The following NUF2 variants were observed in gnomAD, a reference collection of about 807,000 sequenced individuals.
NUF2 encodes the protein kinetochore protein Nuf2.
Under a neutral mutation model 61.8 loss-of-function variants are expected in NUF2, and 34 were observed. The ratio of observed to expected loss-of-function variants is 0.55; its 90% CI spans 0.42 to 0.73. The LOEUF (loss-of-function observed/expected upper bound fraction) is 0.73, where lower values mean the gene tolerates loss of function less well. Among genes scored for constraint, NUF2 ranks in the 30% least tolerant of loss-of-function variants. The pLI is 0.00. For missense variants in NUF2, 445 were observed against 539.1 expected (o/e 0.83, Z 1.73); for synonymous variants, 172 against 181.6 (o/e 0.95, Z 0.42).
rs1296009758 is a variant in NUF2 at position 163,347,844 on chromosome 1, C to T, written c.1030C>T (p.Leu344=). The change falls in exon 12 of 14, where the codon CTG becomes TTG. Residue 344 remains leucine (L), a synonymous_variant. Coordinates refer to ENST00000271452, the MANE Select transcript of NUF2 (RefSeq NM_145697.3). ...LKTEENSFKR[L]MIVKKEKLAT... ...GACTGAAGAAAATTCGTTCAAAAGA[C>T]TGATGATTGTGAAGAAGGAAAAACT... The T allele has an allele frequency of 1.2e-6, 2 of 1,611,986 alleles. No homozygotes were observed. Among genetic ancestry groups the T allele is most frequent in the Non-Finnish European group, 1.7e-6 (2 of 1,179,116 alleles).
At chr1:163,331,306 T>C (rs1571378921) in intron 5 of NUF2, among the ~76,000 whole-genome samples, 1 of 152,046 alleles carries the variant, frequency 6.6e-6, no homozygotes, top group East Asian at 1.9e-4. Context: ...ATCTACCAAA[T>C]TACATTACTT....
At chr1:163,354,782 T>C (rs1651433687) in intron 13 of NUF2, among the ~76,000 whole-genome samples, 2 of 152,116 alleles carry the variant, frequency 1.3e-5, no homozygotes, top group African/African-American at 4.8e-5. Context: ...AGAAAATGTG[T>C]ACACGCTAAT....
Position 163,321,998 on chromosome 1 carries a change from CT to C in NUF2, c.-234del, listed in dbSNP as rs1189260871. 6.6e-6 allele frequency: 1 copy of C among 152,256 alleles called. No individual in the cohort carries two copies. Among genetic ancestry groups the C allele is most frequent in the East Asian group, 1.9e-4 (1 of 5,174 alleles). The allele number at this position is 152,256 out of a possible 1,614,324, so 9.4% of individuals were successfully genotyped here. ...GAAAAGTGATGACGGTTGACGTTTGCTGATTTTTGACTTTGCTTGTAGCTGC... is the reference window on the plus strand; with the variant it reads ...GAAAAGTGATGACGGTTGACGTTTGCGATTTTTGACTTTGCTTGTAGCTGC... On this transcript the variant is annotated 5_prime_UTR_variant, in exon 1 of 14. An upstream open reading frame in the 5' UTR loses its in-frame stop. Transcript: ENST00000271452.
Position 163,343,870 on chromosome 1 carries a change from A to G in NUF2, c.807A>G (p.Arg269=), listed in dbSNP as rs372189646. 2 of 1,389,244 alleles carry G rather than the reference A, an allele frequency of 1.4e-6. No homozygotes were observed. Among genetic ancestry groups the G allele is most frequent in the East Asian group, 5.5e-5 (2 of 36,236 alleles). The allele number at this position is 1,389,244 out of a possible 1,614,324, so 86.1% of individuals were successfully genotyped here. Residue 269 remains arginine, a splice_region_variant and synonymous_variant, in exon 10 of 14, where the codon AGA becomes AGG. Coordinates refer to ENST00000271452, the MANE Select transcript of NUF2 (RefSeq NM_145697.3). ...KDTVQKLKNA[R]QEVVEKYEIY... ...CGGTCCAGAAGCTTAAAAATGCCAG[A>G]GTGAGTTTTCTTTTTATTTTAATGC...
At chr1:163,347,697 T>G in intron 11 of NUF2, 66 bp from the exon 12 acceptor site, 3 of 1,070,240 alleles carry the variant, frequency 2.8e-6, no homozygotes, top group Non-Finnish European at 3.9e-6. Flanking sequence ...CTAGAAAATA[T>G]TCTTTCATTT....
chr1:163,354,399 C>T (rs1243314981), intron 13 of NUF2, among the ~76,000 whole-genome samples: 1 of 152,042 alleles, frequency 6.6e-6, no homozygotes, highest in Non-Finnish European at 1.5e-5. Flanking sequence ...GGCAGAGTTG[C>T]TGGAAATAGG....
At chr1:163,324,147 C>A (rs1367478493) in intron 1 of NUF2, among the ~76,000 whole-genome samples, 1 of 152,114 alleles carries the variant, frequency 6.6e-6, no homozygotes, top group Non-Finnish European at 1.5e-5. Context: ...TTACATATAG[C>A]CATACATAAA....
At chr1:163,345,318 G>A (rs1651087359) in intron 10 of NUF2, among the ~76,000 whole-genome samples, 1 of 152,070 alleles carries the variant, frequency 6.6e-6, no homozygotes, top group Admixed American at 6.6e-5. Context: ...CAAATGAATG[G>A]GAAGATTATA....
At chr1:163,337,964 A>G (rs4657262) in intron 6 of NUF2, 56 bp from the exon 7 acceptor site, 57,136 of 1,302,458 alleles carry the variant, frequency 0.044, 1,540 homozygotes, top group Middle Eastern at 0.063. Flanking sequence ...AACATTTTGG[A>G]CACACTGATT....
intron 13 of NUF2, among the ~76,000 whole-genome samples, chr1:163,351,972 C>T (rs1040250457): frequency 6.6e-6 from 1 of 152,150 alleles, no homozygotes; most frequent in Non-Finnish European, 1.5e-5. Flanking sequence ...GTTCTGTCCA[C>T]TCACAACAAA....
chr1:163,354,512 G>T (rs1396650840), intron 13 of NUF2, among the ~76,000 whole-genome samples: 1 of 152,052 alleles, frequency 6.6e-6, no homozygotes, highest in African/African-American at 2.4e-5. Context: ...ACTAAGGTAA[G>T]TAGTAGCCAA....
chr1:163,341,906 A>T (rs775972623), intron 9 of NUF2, among the ~76,000 whole-genome samples: 1 of 152,174 alleles, frequency 6.6e-6, no homozygotes, highest in Non-Finnish European at 1.5e-5. Flanking sequence ...CCAGGATTAC[A>T]GGTGTGAGCC....
chr1:163,328,950 TA>T, intron 5 of NUF2, 43 bp downstream of exon 5: 1 of 1,026,588 alleles, frequency 9.7e-7, no homozygotes, highest in Non-Finnish European at 1.5e-6. Flanking sequence ...GGCTTCGATC[TA>T]CCATTTCACC....
intron 11 of NUF2, chr1:163,346,068 A>G (rs72697413): frequency 3.9e-6 from 1 of 254,468 alleles, no homozygotes; most frequent in Non-Finnish European, 7.5e-6. Context: ...TATATTTTGG[A>G]AAATAGTACA....
chr1:163,350,657 G>A (rs953592938), intron 13 of NUF2, among the ~76,000 whole-genome samples: 4 of 152,144 alleles, frequency 2.6e-5, no homozygotes, highest in African/African-American at 9.7e-5. Flanking sequence ...AAAATTGAAA[G>A]GTCATCTAGC....
rs1650492609 is a variant in NUF2 at position 163,328,309 on chromosome 1, G to A, written c.275+5G>A. On this transcript the variant is annotated splice_donor_5th_base_variant and intron_variant, in intron 4 of 13. Transcript: ENST00000271452. ...CAGCAATTTAGTTACTCATCTGTGA[G>A]TAAAGAGTGATTTTATTGTCTTCGT... The A allele has an allele frequency of 6.4e-7, 1 of 1,555,572 alleles. No individual in the cohort carries two copies. Among genetic ancestry groups the A allele is most frequent in the Non-Finnish European group, 8.8e-7 (1 of 1,131,710 alleles).
chr1:163,347,916 C>G lies in NUF2; in HGVS notation c.1102C>G (p.Gln368Glu), dbSNP rs1206632473. ...AAATAAGAAGCATGAAGATGTTAAGCAATACAAACGCACAGTAATTGAGTA... is the reference window on the plus strand; with the variant it reads ...AAATAAGAAGCATGAAGATGTTAAGGAATACAAACGCACAGTAATTGAGTA... ...KINKKHEDVKQYKRTVIEDCN... is the reference protein window; with the variant it reads ...KINKKHEDVKEYKRTVIEDCN... Residue 368 changes from glutamine (Q) to glutamate (E), a missense_variant, in exon 12 of 14, where the codon CAA becomes GAA. Gln to Glu is a conservative substitution (Grantham distance 29). Transcript: ENST00000271452. 3.1e-6 allele frequency: 5 copies of G among 1,598,190 alleles called. No individual in the cohort carries two copies. The Admixed American group carries it at 5.3e-5, about 17-fold the overall frequency.
chr1:163,325,761 C>T (rs1650396509), intron 1 of NUF2, among the ~76,000 whole-genome samples: 1 of 152,130 alleles, frequency 6.6e-6, no homozygotes, highest in Admixed American at 6.5e-5. Context: ...ATCTATTCAA[C>T]CAAAGTCCTC....
intron 11 of NUF2, 112 bp downstream of exon 11, chr1:163,345,930 T>A: frequency 1.4e-6 from 1 of 714,034 alleles, no homozygotes; most frequent in Non-Finnish European, 2.3e-6. Context: ...AGGGTCATTC[T>A]ACAGTATAAT....
Sources: gnomAD v4.1 joint callset for allele counts (sites outside exome capture counted in the v4.1 genomes callset) on GRCh38, gnomAD v4.1.1 for gene constraint, MANE v1.5 for transcripts, NCBI Gene and HGNC (gene_info 2026-07-23, HGNC 2026-07-21) for gene names.